Variants in ZFP1 observed in about 807,000 individuals in gnomAD.
The protein encoded by ZFP1 is zinc finger protein 1 homolog.
A neutral mutation model predicts 38.5 loss-of-function variants in ZFP1; 32 were observed. That is an observed-to-expected ratio of 0.83 (90% CI 0.63 to 1.12). ZFP1 has a LOEUF of 1.12. ZFP1 is among the 50% of genes most tolerant of loss of function. The probability of loss-of-function intolerance (pLI) is 0.00; values close to 1 mark genes in which losing one functional copy is unlikely to be tolerated. For missense variants in ZFP1, 616 were observed against 480.8 expected, an observed-to-expected ratio of 1.28 and a Z score of -2.63; for synonymous variants, 245 against 168.8, an observed-to-expected ratio of 1.45 and a Z score of -3.50.
At chr16:75,141,174 G>A in the ZFP1 span, among the ~76,000 whole-genome samples, 1 of 145,274 alleles carries the variant, frequency 6.9e-6, no homozygotes, top group Non-Finnish European at 1.5e-5. Flanking sequence ...TGAAAAAGTT[G>A]ATTATACAAA....
At chr16:75,164,453 A>T (rs370060524) in intron 2 of ZFP1, among the ~76,000 whole-genome samples, 11 of 152,242 alleles carry the variant, frequency 7.2e-5, no homozygotes, top group East Asian at 1.9e-4. Context: ...AGTTTAAAAC[A>T]ACTTCCTTTC....
At position 75,171,199 on chromosome 16, in the gene ZFP1, A is replaced by G. The variant is rs1416396783; in HGVS notation, c.*865A>G. The G allele has an allele frequency of 2.0e-5, 3 of 152,304 alleles. No individual in the cohort carries two copies. Among genetic ancestry groups the G allele is most frequent in the Admixed American group, 6.5e-5 (1 of 15,288 alleles). 9.4% of individuals were successfully genotyped at this position (152,304 alleles called of 1,614,324 possible). ...GTCTGTTACCAAAATATTGTGTAACACAGACAGAAACCACCTGTTTTTGTC... is the reference window on the plus strand; with the variant it reads ...GTCTGTTACCAAAATATTGTGTAACGCAGACAGAAACCACCTGTTTTTGTC... On this transcript the variant is annotated 3_prime_UTR_variant, in exon 4 of 4. Transcript: ENST00000570010.
At chr16:75,156,361 G>T (rs1265731408) in intron 2 of ZFP1, among the ~76,000 whole-genome samples, 1 of 152,178 alleles carries the variant, frequency 6.6e-6, no homozygotes, top group African/African-American at 2.4e-5. Flanking sequence ...GGAGGCTAAG[G>T]CAGGAGAATC....
chr16:75,123,497 A>ATG, the ZFP1 span, among the ~76,000 whole-genome samples: 11 of 108,948 alleles, frequency 1.0e-4, no homozygotes, highest in African/African-American at 4.2e-4. Flanking sequence ...ATATATATAT[A>ATG]TATGTAGGAA....
At chr16:75,159,186 A>G (rs1349484715) in intron 2 of ZFP1, among the ~76,000 whole-genome samples, 2 of 149,194 alleles carry the variant, frequency 1.3e-5, no homozygotes, top group Non-Finnish European at 3.0e-5. Flanking sequence ...TATGCGCCAC[A>G]TGCCTGGCCT....
At chr16:75,152,520 A>AT (rs984932264) in intron 1 of ZFP1, among the ~76,000 whole-genome samples, 1 of 151,946 alleles carries the variant, frequency 6.6e-6, no homozygotes, top group African/African-American at 2.4e-5. Flanking sequence ...TTTCCATTTG[A>AT]TTTTTTCTTG....
At position 75,167,163 on chromosome 16, in the gene ZFP1, G is replaced by T. The variant is rs1040469757; in HGVS notation, c.142+267G>T. 5.9e-5 allele frequency among the ~76,000 whole-genome samples: 9 copies of T among 152,202 alleles called. 1 individual carries two copies. Among genetic ancestry groups the T allele is most frequent in the Admixed American group, 5.2e-4 (8 of 15,276 alleles). On this transcript the variant is annotated intron_variant, in intron 3 of 3. Coordinates refer to ENST00000570010, the MANE Select transcript of ZFP1 (RefSeq NM_153688.4). Reference sequence around the variant, plus strand: ...AAGTTGGAGCAACCAGAAGAGTTTTGGGTAGCATAGAGTTGTCAATTCAGA... The same window carrying T: ...AAGTTGGAGCAACCAGAAGAGTTTTTGGTAGCATAGAGTTGTCAATTCAGA...
Position 75,166,880 on chromosome 16 carries a change from C to A in ZFP1, c.126C>A (p.Ser42Arg). The change falls in exon 3 of 4, where the codon AGC becomes AGA. Residue 42 changes from serine (S) to arginine (R), a missense_variant. Physicochemically the swap from Ser to Arg is moderately radical, Grantham distance 110 (BLOSUM62 -1). Transcript: ENST00000570010. ...TGGATGTGATGCTGGAGAATTATAG[C>A]AACTTACTTTCAGTGGGTAAGGACG... The part of the protein sequence containing the change: ...LYMDVMLENY[S>R]NLLSVEVWKA... 6.2e-7 allele frequency: 1 copy of A among 1,613,858 alleles called. No individual in the cohort carries two copies.
At chr16:75,138,621 T>A in the ZFP1 span, among the ~76,000 whole-genome samples, 1 of 151,956 alleles carries the variant, frequency 6.6e-6, no homozygotes, top group Non-Finnish European at 1.5e-5. Context: ...TGGAGTAGAG[T>A]GGGCCCTTAA....
In ZFP1 at chr16:75,169,299, A is replaced by T. The variant is rs745441359; in HGVS notation, c.189A>T (p.Pro63=). Residue 63 remains proline, a synonymous_variant, in exon 4 of 4, where the codon CCA becomes CCT. Coordinates refer to ENST00000570010, the MANE Select transcript of ZFP1 (RefSeq NM_153688.4). ...DDQMERDHRN[P]DEQARQFLIL... ...AGATGGAGAGAGACCACAGAAACCC[A>T]GACGAGCAGGCGAGGCAATTTTTAA... is the stretch of plus-strand genomic sequence containing the variant. The T allele has an allele frequency of 1.2e-5, 20 of 1,613,858 alleles. 1 individual carries two copies. The highest frequency in any genetic ancestry group is 1.6e-4 in the Middle Eastern group (1 of 6,084).
At chr16:75,156,866 A>G (rs762710685) in intron 2 of ZFP1, among the ~76,000 whole-genome samples, 1 of 152,222 alleles carries the variant, frequency 6.6e-6, no homozygotes, top group Non-Finnish European at 1.5e-5. Flanking sequence ...CATGTTCAAG[A>G]TAAGCCAAAC....
the ZFP1 span, among the ~76,000 whole-genome samples, chr16:75,126,774 T>C: frequency 1.3e-5 from 2 of 152,242 alleles, no homozygotes; most frequent in South Asian, 4.1e-4. Flanking sequence ...CCTTTGATAT[T>C]TGACAAACTT....
chr16:75,141,742 TAAAAA>T, the ZFP1 span, among the ~76,000 whole-genome samples: 1 of 144,416 alleles, frequency 6.9e-6, no homozygotes, highest in Admixed American at 7.0e-5. Flanking sequence ...CAAATTAATT[TAAAAA>T]AAAAAAAAGA....
chr16:75,156,299 CA>C lies in ZFP1; in HGVS notation c.15+3341del, dbSNP rs561633324. Among the ~76,000 whole-genome samples, 5 of 151,838 alleles carry C rather than the reference CA, an allele frequency of 3.3e-5. No homozygotes were observed. The East Asian group carries it at 5.8e-4, about 18-fold the overall frequency. On this transcript the variant is annotated intron_variant, in intron 2 of 3. Transcript: ENST00000570010. Reference sequence around the variant, plus strand: ...CGAAACCCTGTCTTTACTAAAAATACAAAAAAAATTAGCCGGGCGTGGTAGC... The same window carrying C: ...CGAAACCCTGTCTTTACTAAAAATACAAAAAAATTAGCCGGGCGTGGTAGC...
chr16:75,153,902 C>G (rs1432431207), intron 2 of ZFP1, among the ~76,000 whole-genome samples: 1 of 152,230 alleles, frequency 6.6e-6, no homozygotes, highest in East Asian at 1.9e-4. Flanking sequence ...ACTGTCTCAT[C>G]TCCCTAGTCG....
At chr16:75,136,067 C>G in the ZFP1 span, among the ~76,000 whole-genome samples, 109 of 152,360 alleles carry the variant, frequency 7.2e-4, no homozygotes, top group African/African-American at 2.4e-3. Context: ...CCACCCACCT[C>G]TGTCTCCCAA....
upstream of ZFP1, among the ~76,000 whole-genome samples, chr16:75,144,571 A>G (rs556043032): frequency 1.2e-4 from 18 of 152,336 alleles, no homozygotes; most frequent in South Asian, 3.5e-3. Context: ...TGTTGGTATA[A>G]TAAGATCTTC....
chr16:75,169,684 G>C lies in ZFP1; in HGVS notation c.574G>C (p.Ala192Pro), dbSNP rs775972076. Residue 192 changes from alanine to proline, a missense_variant, in exon 4 of 4, where the codon GCT (alanine) becomes CCT (proline). Transcript: ENST00000570010. ...QPFICTYCDK[A>P]FSFKSLLISH... The stretch of plus-strand genomic sequence containing the variant: ...TTTCATTTGTACTTACTGTGACAAG[G>C]CTTTCTCCTTTAAGTCACTCCTCAT... 2.2e-5 allele frequency: 36 copies of C among 1,610,614 alleles called. No homozygotes were observed. Among genetic ancestry groups the C allele is most frequent in the Middle Eastern group, 1.7e-4 (1 of 6,038 alleles).
At chr16:75,162,874 T>TATTA (rs2145555785) in intron 2 of ZFP1, among the ~76,000 whole-genome samples, 1 of 152,256 alleles carries the variant, frequency 6.6e-6, no homozygotes, top group African/African-American at 2.4e-5. Flanking sequence ...TTAAAATTTA[T>TATTA]ATTACTTGTA....
Sources: gnomAD v4.1 joint callset for allele counts (sites outside exome capture counted in the v4.1 genomes callset) on GRCh38, gnomAD v4.1.1 for gene constraint, MANE v1.5 for transcripts, NCBI Gene and HGNC (gene_info 2026-07-23, HGNC 2026-07-21) for gene names.